BBOX1: variants seen among roughly 807,000 people sequenced by gnomAD.
The protein encoded by BBOX1 is gamma-butyrobetaine hydroxylase 1, also known as gamma-butyrobetaine dioxygenase.
BBOX1 carries 35 observed loss-of-function variants against 41.6 expected under a neutral mutation model. The observed-to-expected ratio is 0.84, with a 90% CI of 0.64 to 1.11. BBOX1 has a LOEUF of 1.11. Ranked by LOEUF, BBOX1 falls within the 50% of genes most tolerant of loss-of-function variation. The pLI, the probability that BBOX1 is intolerant of heterozygous loss-of-function variation, is 0.00. For synonymous variants in BBOX1, 163 were observed against 154.7 expected (o/e 1.05, Z -0.40); for missense variants, 458 against 460.6 (o/e 0.99, Z 0.05).
At chr11:27,105,407 T>C (rs1858829710) in intron 5 of BBOX1, among the ~76,000 whole-genome samples, 1 of 152,116 alleles carries the variant, frequency 6.6e-6, no homozygotes, top group Non-Finnish European at 1.5e-5. Flanking sequence ...AATGACCTGA[T>C]GGAGCTGAAA....
At chr11:27,045,964 T>C (rs531013888) in intron 2 of BBOX1, among the ~76,000 whole-genome samples, 1 of 152,206 alleles carries the variant, frequency 6.6e-6, no homozygotes, top group African/African-American at 2.4e-5. Context: ...ATTTCTTTTA[T>C]GAGAACTTGA....
At chr11:27,092,504 A>C (rs1858283285) in intron 4 of BBOX1, among the ~76,000 whole-genome samples, 1 of 151,938 alleles carries the variant, frequency 6.6e-6, no homozygotes, top group South Asian at 2.1e-4. Context: ...TTTCTCAATT[A>C]AGCATTTTTA....
chr11:27,097,527 T>C (rs1858482507), intron 5 of BBOX1, among the ~76,000 whole-genome samples: 1 of 152,056 alleles, frequency 6.6e-6, no homozygotes, highest in African/African-American at 2.4e-5. Context: ...TAGATTTGGG[T>C]TTCTACTTTA....
chr11:27,099,013 G>A (rs548160836), intron 5 of BBOX1, among the ~76,000 whole-genome samples: 9 of 151,910 alleles, frequency 5.9e-5, no homozygotes, highest in Non-Finnish European at 1.3e-4. Context: ...ACACAATTAC[G>A]TCTCAGGAAA....
chr11:27,084,868 G>C (rs1857978582), intron 4 of BBOX1, among the ~76,000 whole-genome samples: 2 of 152,110 alleles, frequency 1.3e-5, no homozygotes, highest in East Asian at 1.9e-4. Flanking sequence ...ATTTTATGAT[G>C]TGTGAAGCAC....
intron 4 of BBOX1, among the ~76,000 whole-genome samples, chr11:27,087,120 G>A (rs1039620107): frequency 1.4e-4 from 22 of 152,102 alleles, no homozygotes; most frequent in Admixed American, 1.3e-3. Flanking sequence ...AAATGAAAAC[G>A]AAGGATTTAG....
At chr11:27,084,235 G>A (rs570609136) in intron 4 of BBOX1, among the ~76,000 whole-genome samples, 1 of 152,246 alleles carries the variant, frequency 6.6e-6, no homozygotes, top group Admixed American at 6.5e-5. Context: ...CTGAACCCCT[G>A]TTGCCAAAGC....
intron 4 of BBOX1, among the ~76,000 whole-genome samples, chr11:27,061,436 G>A (rs551292828): frequency 1.3e-5 from 2 of 152,072 alleles, no homozygotes; most frequent in African/African-American, 4.8e-5. Flanking sequence ...CTGTGCAGTT[G>A]GTGGGTAAAA....
chr11:27,057,414 A>C, intron 4 of BBOX1, 99 bp downstream of exon 4: 1 of 902,492 alleles, frequency 1.1e-6, no homozygotes, highest in Non-Finnish European at 1.7e-6. Context: ...TTGTGCTTTG[A>C]TTAAAATATG....
intron 4 of BBOX1, among the ~76,000 whole-genome samples, chr11:27,092,041 C>T (rs1482529572): frequency 6.6e-5 from 10 of 151,958 alleles, no homozygotes; most frequent in Admixed American, 6.6e-4. Flanking sequence ...TGGCTCCGTG[C>T]ACCTGCATGT....
chr11:27,054,236 C>A (rs111919074), intron 2 of BBOX1, among the ~76,000 whole-genome samples: 1 of 61,918 alleles, frequency 1.6e-5, no homozygotes, highest in South Asian at 8.0e-4. Context: ...TGTGTGTGTG[C>A]GTGCACATGT....
intron 6 of BBOX1, 110 bp downstream of exon 6, chr11:27,115,667 T>G: frequency 1.1e-6 from 1 of 938,276 alleles, no homozygotes; most frequent in Non-Finnish European, 1.5e-6. Flanking sequence ...CTTTTATAAA[T>G]TTTTTCTCCA....
chr11:27,124,742 G>A (rs944313070), intron 7 of BBOX1, among the ~76,000 whole-genome samples: 1 of 151,996 alleles, frequency 6.6e-6, no homozygotes, highest in Non-Finnish European at 1.5e-5. Context: ...GGCTGTCCTC[G>A]AGCTCCTGAC....
At chr11:27,077,848 T>C (rs913965259) in intron 4 of BBOX1, among the ~76,000 whole-genome samples, 2 of 152,042 alleles carry the variant, frequency 1.3e-5, no homozygotes, top group African/African-American at 4.8e-5. Flanking sequence ...AGTTGGAGCC[T>C]TTTATCATCC....
chr11:27,079,937 T>A (rs950242123), intron 4 of BBOX1, among the ~76,000 whole-genome samples: 1 of 152,080 alleles, frequency 6.6e-6, no homozygotes, highest in Non-Finnish European at 1.5e-5. Flanking sequence ...TCCAACCATA[T>A]CTTGCTGCTT....
chr11:27,043,596 C>T (rs950758312), intron 2 of BBOX1, among the ~76,000 whole-genome samples: 1 of 152,042 alleles, frequency 6.6e-6, no homozygotes, highest in Non-Finnish European at 1.5e-5. Flanking sequence ...CTCCCCTAGC[C>T]CCCTACCCCG....
chr11:27,068,468 A>T (rs1371424945), intron 4 of BBOX1, among the ~76,000 whole-genome samples: 1 of 151,674 alleles, frequency 6.6e-6, no homozygotes, highest in Non-Finnish European at 1.5e-5. Flanking sequence ...TCTGGATATT[A>T]GTCCTTTGTT....
chr11:27,088,134 A>G (rs1196215184), intron 4 of BBOX1, among the ~76,000 whole-genome samples: 1 of 152,024 alleles, frequency 6.6e-6, no homozygotes, highest in East Asian at 1.9e-4. Context: ...TATAGAAACA[A>G]AAATTCATCG....
chr11:27,111,759 G>A lies in BBOX1; in HGVS notation c.534-3693G>A, dbSNP rs566252395. Among the ~76,000 whole-genome samples the A allele has an allele frequency of 4.6e-5, 7 of 152,024 alleles. No homozygotes were observed. The South Asian group carries it at 1.5e-3, about 32-fold the overall frequency. On this transcript the variant is annotated intron_variant, in intron 5 of 8. Transcript: ENST00000263182. ...TGTTATATTACAAATGGTAAATAAA[G>A]AGAAAGAATCAAATGTTTATCTCAT...
Sources: allele counts gnomAD v4.1 joint callset (sites outside exome capture counted in the v4.1 genomes callset), GRCh38; gene constraint gnomAD v4.1.1; transcripts MANE v1.5; gene names NCBI Gene and HGNC (gene_info 2026-07-23, HGNC 2026-07-21).